Variants in IQCB1 observed in about 807,000 individuals in gnomAD.
IQCB1 encodes the protein IQ calmodulin-binding motif-containing protein 1.
A neutral mutation model predicts 84.4 loss-of-function variants in IQCB1; 56 were observed. The ratio of observed to expected loss-of-function variants is 0.66; its 90% confidence interval spans 0.54 to 0.83. The LOEUF (loss-of-function observed/expected upper bound fraction) is 0.83. IQCB1 is among the 40% of genes least tolerant of loss of function. The pLI, the probability that IQCB1 is intolerant of heterozygous loss-of-function variation, is 0.00. For synonymous variants in IQCB1, 210 were observed against 234.8 expected (o/e 0.89, Z 0.96); for missense variants, 629 against 682.1 (o/e 0.92, Z 0.87).
chr3:121,816,029 G>C (rs944730635), intron 5 of IQCB1, among the ~76,000 whole-genome samples: 3 of 151,076 alleles, frequency 2.0e-5, no homozygotes, highest in African/African-American at 7.3e-5. Flanking sequence ...ACTATACAAG[G>C]CTACAATAAC....
Position 121,770,389 on chromosome 3 carries a change from T to C in IQCB1, c.1753A>G (p.Ile585Val), listed in dbSNP as rs140059777. The C allele has an allele frequency of 1.2e-6, 2 of 1,614,018 alleles. No individual in the cohort carries two copies. Among genetic ancestry groups the C allele is most frequent in the South Asian group, 1.1e-5 (1 of 91,094 alleles). The change falls in exon 15 of 15, where the codon ATA (isoleucine) becomes GTA (valine). Residue 585 changes from isoleucine to valine, a missense_variant. Ile to Val is a conservative substitution (Grantham distance 29, BLOSUM62 3). Transcript: ENST00000310864. ...CCAATGAATAAATTTTCTAATTCTA[T>C]ACTAAGCTCATCCTTTGGAACATCA... The part of the protein sequence containing the change: ...EIDVPKDELS[I>V]ELENLFIGGT...
At chr3:121,813,918 C>T (rs183595833) in intron 5 of IQCB1, among the ~76,000 whole-genome samples, 12 of 152,262 alleles carry the variant, frequency 7.9e-5, no homozygotes, top group South Asian at 6.2e-4. Context: ...CTGGACCAAG[C>T]GGACCTAATA....
At chr3:121,816,164 T>G (rs575063933) in intron 5 of IQCB1, among the ~76,000 whole-genome samples, 61 of 152,132 alleles carry the variant, frequency 4.0e-4, no homozygotes, top group Non-Finnish European at 6.5e-4. Context: ...AAACAAGAAA[T>G]AGGGAAAGGA....
intron 5 of IQCB1, among the ~76,000 whole-genome samples, chr3:121,816,310 A>C (rs1259801271): frequency 6.6e-6 from 1 of 152,236 alleles, no homozygotes; most frequent in Non-Finnish European, 1.5e-5. Flanking sequence ...CTAAAACCAT[A>C]CAAACCCTAG....
chr3:121,823,970 A>T lies in IQCB1; in HGVS notation c.393+2081T>A, dbSNP rs998466844. ...AATTTCTTAAAAATAGCAAAATGGT[A>T]GAATTAAACCTAACCATAGCACAAA... On this transcript the variant is annotated intron_variant, in intron 5 of 14. Coordinates refer to ENST00000310864, the MANE Select transcript of IQCB1 (RefSeq NM_001023570.4). Among the ~76,000 whole-genome samples the T allele has an allele frequency of 2.1e-4, 32 of 152,368 alleles. 1 individual carries two copies. Among genetic ancestry groups the T allele is most frequent in the African/African-American group, 6.7e-4 (28 of 41,596 alleles).
At chr3:121,772,184 T>A (rs906517832) in intron 14 of IQCB1, among the ~76,000 whole-genome samples, 3 of 151,612 alleles carry the variant, frequency 2.0e-5, no homozygotes, top group African/African-American at 7.3e-5. Flanking sequence ...AAAATAATAA[T>A]AAAAAAAAAT....
At chr3:121,787,848 G>A (rs1448537938) in intron 12 of IQCB1, among the ~76,000 whole-genome samples, 1 of 151,816 alleles carries the variant, frequency 6.6e-6, no homozygotes, top group Non-Finnish European at 1.5e-5. Flanking sequence ...AATATCACAT[G>A]CTGCACTTGC....
chr3:121,832,692 C>A (rs1950689969), intron 2 of IQCB1, among the ~76,000 whole-genome samples: 1 of 152,184 alleles, frequency 6.6e-6, no homozygotes, highest in South Asian at 2.1e-4. Context: ...CTTTTGTGTC[C>A]TGTTTAGAAA....
chr3:121,813,300 A>G (rs185168487), intron 5 of IQCB1, among the ~76,000 whole-genome samples: 5 of 152,232 alleles, frequency 3.3e-5, no homozygotes, highest in Non-Finnish European at 7.3e-5. Context: ...AAAAACTGGT[A>G]CCAACCACTG....
chr3:121,785,992 G>A (rs1224204237), intron 12 of IQCB1, among the ~76,000 whole-genome samples: 1 of 134,782 alleles, frequency 7.4e-6, no homozygotes, highest in Non-Finnish European at 1.6e-5. Context: ...AACACAGTGA[G>A]ACTTAGTCTC....
At chr3:121,790,928 T>C (rs1480905797) in intron 10 of IQCB1, among the ~76,000 whole-genome samples, 1 of 152,228 alleles carries the variant, frequency 6.6e-6, no homozygotes, top group Non-Finnish European at 1.5e-5. Flanking sequence ...AAAATTTTCA[T>C]GTGACCACAA....
intron 5 of IQCB1, among the ~76,000 whole-genome samples, chr3:121,822,615 A>AT (rs1437647941): frequency 3.3e-5 from 5 of 152,190 alleles, no homozygotes; most frequent in Admixed American, 3.3e-4. Context: ...AGTGCTGGGT[A>AT]TACAGAGTTT....
chr3:121,803,118 G>A (rs1343118607), intron 7 of IQCB1, among the ~76,000 whole-genome samples: 3 of 152,044 alleles, frequency 2.0e-5, no homozygotes, highest in Non-Finnish European at 4.4e-5. Flanking sequence ...GTAGTGATGT[G>A]ATCTCAACTC....
At chr3:121,821,639 T>C (rs1013308366) in intron 5 of IQCB1, among the ~76,000 whole-genome samples, 8 of 152,208 alleles carry the variant, frequency 5.3e-5, no homozygotes, top group African/African-American at 1.9e-4. Context: ...TGTGTTCCAA[T>C]ACAACTTAAT....
chr3:121,774,828 T>C (rs1188662760), intron 13 of IQCB1, among the ~76,000 whole-genome samples: 1 of 152,144 alleles, frequency 6.6e-6, no homozygotes, highest in African/African-American at 2.4e-5. Flanking sequence ...GTGGTGAAGC[T>C]TGCACAAACA....
At chr3:121,783,795 C>A (rs796110563) in intron 12 of IQCB1, among the ~76,000 whole-genome samples, 5 of 152,162 alleles carry the variant, frequency 3.3e-5, no homozygotes, top group African/African-American at 1.2e-4. Flanking sequence ...TTCTTGGATT[C>A]CATGTTGCCT....
intron 5 of IQCB1, among the ~76,000 whole-genome samples, chr3:121,813,082 C>T (rs1052074782): frequency 2.6e-5 from 4 of 152,110 alleles, no homozygotes; most frequent in African/African-American, 9.7e-5. Flanking sequence ...CTGCAGAAAC[C>T]CTACAAGCCA....
rs1352308796 is a variant in IQCB1 at position 121,790,184 on chromosome 3, T to G, written c.1018A>C (p.Asn340His). The G allele has an allele frequency of 6.2e-7, 1 of 1,613,810 alleles. No individual in the cohort carries two copies. The highest frequency in any genetic ancestry group is 1.1e-5 in the South Asian group (1 of 91,068). ...AGGTCCTCTTCTTCCTTCTGCCTAT[T>G]TATCTCCAGCAACATCTTTGATCGT... is the stretch of plus-strand genomic sequence containing the variant. Reference protein sequence around the residue: ...SKRSKMLLEINRQKEEEDLKL... With the variant: ...SKRSKMLLEIHRQKEEEDLKL... The change falls in exon 11 of 15, where the codon AAT becomes CAT. Residue 340 changes from asparagine (N) to histidine (H), a missense_variant. Asn to His is a moderately conservative substitution (Grantham distance 68). Transcript: ENST00000310864.
intron 3 of IQCB1, 80 bp downstream of exon 3, chr3:121,828,781 A>T: frequency 9.3e-7 from 1 of 1,079,852 alleles, no homozygotes; most frequent in Non-Finnish European, 1.4e-6. Flanking sequence ...GAACAAATTT[A>T]AAAGAAATGT....
Sources: allele counts gnomAD v4.1 joint callset (sites outside exome capture counted in the v4.1 genomes callset), GRCh38; gene constraint gnomAD v4.1.1; transcripts MANE v1.5; gene names NCBI Gene and HGNC (gene_info 2026-07-23, HGNC 2026-07-21).